The following BLTP3B variants were observed in gnomAD, a reference collection of about 807,000 sequenced individuals.
The protein encoded by BLTP3B is UHRF1 (ICBP90) binding protein 1-like.
chr12:100,046,406 G>A, the BLTP3B span, among the ~76,000 whole-genome samples: 5 of 152,148 alleles, frequency 3.3e-5, no homozygotes, highest in East Asian at 9.7e-4. Flanking sequence ...ATAAAAAAGG[G>A]TGACTTCATG....
chr12:100,140,719 AAAAAAAAAAAATATAT>A, the BLTP3B span, among the ~76,000 whole-genome samples: 1 of 109,688 alleles, frequency 9.1e-6, no homozygotes, highest in African/African-American at 4.8e-5. Flanking sequence ...AAAAAAAAAA[AAAAAAAAAAAATATAT>A]ATATATATAT....
the BLTP3B span, among the ~76,000 whole-genome samples, chr12:100,128,991 T>C: frequency 6.6e-6 from 1 of 151,982 alleles, no homozygotes; most frequent in Non-Finnish European, 1.5e-5. Context: ...AAACTGTCAA[T>C]TAACAAAAAT....
chr12:100,107,443 G>A, the BLTP3B span, among the ~76,000 whole-genome samples: 7 of 151,438 alleles, frequency 4.6e-5, no homozygotes, highest in African/African-American at 7.3e-5. Context: ...AGACCATCTC[G>A]GCCAACATGG....
At chr12:100,077,148 T>C in the BLTP3B span, among the ~76,000 whole-genome samples, 1 of 152,200 alleles carries the variant, frequency 6.6e-6, no homozygotes, top group South Asian at 2.1e-4. Context: ...GTGGATCCCA[T>C]AAGATTATAA....
chr12:100,092,421 A>G, the BLTP3B span, among the ~76,000 whole-genome samples: 1 of 152,248 alleles, frequency 6.6e-6, no homozygotes, highest in African/African-American at 2.4e-5. Flanking sequence ...GACTAAAGAC[A>G]TGGAAGAAAC....
chr12:100,082,066 C>T, the BLTP3B span, among the ~76,000 whole-genome samples: 351 of 152,190 alleles, frequency 2.3e-3, 1 homozygote, highest in African/African-American at 8.1e-3. Flanking sequence ...ACAACCTCAC[C>T]AACATCTATT....
At chr12:100,095,288 T>C in the BLTP3B span, among the ~76,000 whole-genome samples, 5 of 152,236 alleles carry the variant, frequency 3.3e-5, no homozygotes, top group Non-Finnish European at 7.3e-5. Flanking sequence ...CAATTCCTTA[T>C]GGCTTTGATT....
At chr12:100,110,094 T>C in the BLTP3B span, among the ~76,000 whole-genome samples, 2 of 152,156 alleles carry the variant, frequency 1.3e-5, no homozygotes, top group Non-Finnish European at 2.9e-5. Flanking sequence ...TTTTCAAAAG[T>C]GAAATTACTG....
the BLTP3B span, among the ~76,000 whole-genome samples, chr12:100,112,703 T>C: frequency 6.6e-6 from 1 of 151,952 alleles, no homozygotes; most frequent in Admixed American, 6.6e-5. Context: ...CAAAGATTTA[T>C]AATTTGGTTA....
At chr12:100,131,029 G>GAGAGAA in the BLTP3B span, among the ~76,000 whole-genome samples, 10 of 123,252 alleles carry the variant, frequency 8.1e-5, no homozygotes, top group Admixed American at 3.2e-4. Flanking sequence ...GAGAGAGAGA[G>GAGAGAA]AGAGAAAGAG....
At chr12:100,080,337 T>C in the BLTP3B span, among the ~76,000 whole-genome samples, 1 of 149,202 alleles carries the variant, frequency 6.7e-6, no homozygotes, top group Non-Finnish European at 1.5e-5. Flanking sequence ...CCCAAGACCA[T>C]GGAACCCATC....
chr12:100,131,003 GAGA>G, the BLTP3B span, among the ~76,000 whole-genome samples: 7 of 115,080 alleles, frequency 6.1e-5, no homozygotes, highest in Admixed American at 3.3e-4. Flanking sequence ...GAGAGAGAGA[GAGA>G]GAGAGAGAGA....
At chr12:100,052,790 G>GTTTTTT in the BLTP3B span, among the ~76,000 whole-genome samples, 7 of 114,338 alleles carry the variant, frequency 6.1e-5, no homozygotes, top group South Asian at 5.9e-4. Flanking sequence ...TTTCTTTTCT[G>GTTTTTT]TTTTTTTTTT....
chr12:100,071,294 A>T, the BLTP3B span, among the ~76,000 whole-genome samples: 6 of 151,920 alleles, frequency 3.9e-5, no homozygotes, highest in Non-Finnish European at 5.9e-5. Flanking sequence ...GCCAGGAGTT[A>T]GAGACCAGCC....
At chr12:100,097,246 A>G in the BLTP3B span, 1 of 1,017,490 alleles carries the variant, frequency 9.8e-7, no homozygotes, top group Admixed American at 3.3e-5. Context: ...TAATATGCCA[A>G]TATTTCACCT....
At chr12:100,084,893 T>C in the BLTP3B span, among the ~76,000 whole-genome samples, 6 of 152,266 alleles carry the variant, frequency 3.9e-5, no homozygotes, top group East Asian at 9.7e-4. Context: ...CCATTCTTAG[T>C]AGAAAATCAC....
chr12:100,111,157 A>G, the BLTP3B span, among the ~76,000 whole-genome samples: 1 of 152,166 alleles, frequency 6.6e-6, no homozygotes, highest in African/African-American at 2.4e-5. Context: ...TCTTATAAAG[A>G]AATGTTTATA....
the BLTP3B span, among the ~76,000 whole-genome samples, chr12:100,061,581 T>C: frequency 2.1e-5 from 3 of 141,068 alleles, no homozygotes; most frequent in African/African-American, 8.1e-5. Flanking sequence ...GGTGTGAACC[T>C]GGGAGGTGGA....
chr12:100,089,376 T>C, the BLTP3B span, among the ~76,000 whole-genome samples: 157 of 152,218 alleles, frequency 1.0e-3, no homozygotes, highest in African/African-American at 3.2e-3. Context: ...CTCGCTAACA[T>C]GCTGAAACCC....
Sources: allele counts gnomAD v4.1 joint callset (sites outside exome capture counted in the v4.1 genomes callset), GRCh38; gene constraint gnomAD v4.1.1; transcripts MANE v1.5; gene names NCBI Gene and HGNC (gene_info 2026-07-23, HGNC 2026-07-21).